The following ADAMTS9 variants were observed in gnomAD, a reference collection of about 807,000 sequenced individuals.
ADAMTS9 encodes ADAM metallopeptidase with thrombospondin type 1 motif 9, also known as A disintegrin and metalloproteinase with thrombospondin motifs 9.
ADAMTS9 carries 107 observed loss-of-function variants against 257.1 expected under a neutral mutation model. That is an observed-to-expected ratio of 0.42 (90% CI 0.36 to 0.49). The LOEUF (loss-of-function observed/expected upper bound fraction) is 0.49, where lower values mean the gene tolerates loss of function less well. Ranked by LOEUF, ADAMTS9 falls within the 20% of genes least tolerant of loss-of-function variation. The pLI, the probability that ADAMTS9 is intolerant of heterozygous loss-of-function variation, is 0.03. For missense variants in ADAMTS9, 2,353 were observed against 2,469.1 expected, an observed-to-expected ratio of 0.95 and a Z score of 1.00; for synonymous variants, 982 against 880.9, an observed-to-expected ratio of 1.11 and a Z score of -2.03.
chr3:64,526,659 G>C (rs2082913973), intron 38 of ADAMTS9, among the ~76,000 whole-genome samples: 1 of 152,136 alleles, frequency 6.6e-6, no homozygotes, highest in Non-Finnish European at 1.5e-5. Context: ...AAACTCTCCT[G>C]ACCCAGCAGA....
At chr3:64,539,595 T>C (rs1353053558) in intron 36 of ADAMTS9, among the ~76,000 whole-genome samples, 1 of 152,176 alleles carries the variant, frequency 6.6e-6, no homozygotes, top group Non-Finnish European at 1.5e-5. Context: ...GATTCCTACA[T>C]AAATAAATAT....
chr3:64,517,246 T>C (rs543012895), intron 39 of ADAMTS9, 125 bp from the exon 40 acceptor site: 1 of 152,190 alleles, frequency 6.6e-6, no homozygotes, highest in African/African-American at 2.4e-5. Flanking sequence ...CTAGATTTTA[T>C]TTTTATTTTT....
At chr3:64,646,224 C>T (rs759434788) in intron 11 of ADAMTS9, among the ~76,000 whole-genome samples, 2 of 152,172 alleles carry the variant, frequency 1.3e-5, no homozygotes, top group Admixed American at 6.5e-5. Flanking sequence ...CTAACCCAAG[C>T]CAACTAACCA....
At position 64,619,228 on chromosome 3, in the gene ADAMTS9, C is replaced by G. The variant is rs190540130; in HGVS notation, c.2813+1886G>C. On this transcript the variant is annotated intron_variant, in intron 19 of 39. Coordinates refer to ENST00000498707, the MANE Select transcript of ADAMTS9 (RefSeq NM_182920.2). ...CTATAGTTATAATCAGAGACTCAAC[C>G]AGTCTCGTTCTGATTCAATCAGTGG... Among the ~76,000 whole-genome samples, 40 of 152,182 alleles carry G rather than the reference C, an allele frequency of 2.6e-4. No individual in the cohort carries two copies. The East Asian group carries it at 7.4e-3, about 28-fold the overall frequency.
chr3:64,615,253 C>G, intron 21 of ADAMTS9, 68 bp downstream of exon 21: 1 of 1,554,684 alleles, frequency 6.4e-7, no homozygotes, highest in Non-Finnish European at 8.7e-7. Context: ...TTGTCTTAAA[C>G]AGATAGAGAG....
At chr3:64,621,619 G>A (rs1207804480) in intron 18 of ADAMTS9, among the ~76,000 whole-genome samples, 1 of 151,758 alleles carries the variant, frequency 6.6e-6, no homozygotes, top group South Asian at 2.1e-4. Context: ...AAAATTACCC[G>A]GGCATGGTGG....
intron 39 of ADAMTS9, among the ~76,000 whole-genome samples, chr3:64,518,847 G>A (rs2082815514): frequency 1.4e-5 from 2 of 138,442 alleles, no homozygotes; most frequent in Admixed American, 8.8e-5. Context: ...GCGTGGTCTT[G>A]GCTGACTGCA....
intron 28 of ADAMTS9, among the ~76,000 whole-genome samples, chr3:64,577,447 C>T (rs2083883828): frequency 6.6e-6 from 1 of 152,218 alleles, no homozygotes; most frequent in Non-Finnish European, 1.5e-5. Context: ...AGGACCCACT[C>T]TATGCCTGCC....
At chr3:64,535,446 G>C (rs376464611) in intron 37 of ADAMTS9, among the ~76,000 whole-genome samples, 1 of 152,056 alleles carries the variant, frequency 6.6e-6, no homozygotes, top group Admixed American at 6.6e-5. Context: ...ATGTGGCATG[G>C]CTGCCATGCT....
chr3:64,670,898 G>A (rs964433090), intron 3 of ADAMTS9, among the ~76,000 whole-genome samples: 1 of 152,186 alleles, frequency 6.6e-6, no homozygotes, highest in Admixed American at 6.5e-5. Flanking sequence ...ACCAAGTGCT[G>A]GAAAGGATGC....
At chr3:64,634,525 C>T (rs761346304) in intron 12 of ADAMTS9, among the ~76,000 whole-genome samples, 4 of 152,192 alleles carry the variant, frequency 2.6e-5, no homozygotes, top group Non-Finnish European at 4.4e-5. Flanking sequence ...TTTTGTGTGA[C>T]GAGTGTATGG....
chr3:64,622,947 T>C (rs1281217442), intron 16 of ADAMTS9, among the ~76,000 whole-genome samples: 2 of 152,234 alleles, frequency 1.3e-5, no homozygotes, highest in African/African-American at 2.4e-5. Flanking sequence ...TTTGAAAATA[T>C]GCATTAGTGA....
intron 11 of ADAMTS9, among the ~76,000 whole-genome samples, chr3:64,647,075 A>G (rs1700813468): frequency 6.6e-6 from 1 of 152,202 alleles, no homozygotes; most frequent in African/African-American, 2.4e-5. Flanking sequence ...AAGTAAGTAA[A>G]GTGGACAATG....
chr3:64,560,921 C>T (rs1474581620), intron 30 of ADAMTS9, among the ~76,000 whole-genome samples: 1 of 152,150 alleles, frequency 6.6e-6, no homozygotes, highest in African/African-American at 2.4e-5. Flanking sequence ...ACAGAGGTTA[C>T]CTCCTATAAA....
Position 64,637,568 on chromosome 3 carries a change from C to T in ADAMTS9, c.1857-3689G>A, listed in dbSNP as rs564565657. On this transcript the variant is annotated intron_variant, in intron 12 of 39. Transcript: ENST00000498707. ...TTGCAGAGGTCATCACAGGTACAGT[C>T]TATCCTCAAGGAAAGCTAAACTTTG... is the stretch of plus-strand genomic sequence containing the variant. Among the ~76,000 whole-genome samples, 4 of 152,334 alleles carry T rather than the reference C, an allele frequency of 2.6e-5. No individual in the cohort carries two copies. The East Asian group carries it at 7.7e-4, about 29-fold the overall frequency.
At chr3:64,585,650 G>A (rs2084128708) in intron 28 of ADAMTS9, among the ~76,000 whole-genome samples, 1 of 152,136 alleles carries the variant, frequency 6.6e-6, no homozygotes, top group Non-Finnish European at 1.5e-5. Flanking sequence ...ATGAACAGAT[G>A]TAAAGTCACC....
rs1163617845 is a variant in ADAMTS9 at position 64,687,202 on chromosome 3, A to G, written c.116-234T>C. Among the ~76,000 whole-genome samples, 1 of 152,204 alleles carries G rather than the reference A, an allele frequency of 6.6e-6. No individual in the cohort carries two copies. Among genetic ancestry groups the G allele is most frequent in the Non-Finnish European group, 1.5e-5 (1 of 68,044 alleles). ...AGCCAGACAATTAACAAGTCAAAAT[A>G]TATATGATTTCAGATATTGATAAAT... On this transcript the variant is annotated intron_variant, in intron 1 of 39. Transcript: ENST00000498707. This position sits in a 1 kb window ranked among gnomAD's most constrained non-coding sequence, Gnocchi z 4.4.
chr3:64,633,509 T>G lies in ADAMTS9; in HGVS notation c.2138A>C (p.Gln713Pro), dbSNP rs1368427582. The change falls in exon 14 of 40, where the codon CAG becomes CCG. Residue 713 changes from glutamine to proline, a missense_variant. Transcript: ENST00000498707. ...CTGGACACAGATATCATTTGTGTCC[T>G]GGCCACAAGGAGTTCCATCTATCAC... ...DRVIDGTPCG[Q>P]DTNDICVQGL... 1.9e-6 allele frequency: 3 copies of G among 1,614,142 alleles called. No individual in the cohort carries two copies. Among genetic ancestry groups the G allele is most frequent in the Admixed American group, 3.3e-5 (2 of 60,014 alleles).
intron 38 of ADAMTS9, among the ~76,000 whole-genome samples, chr3:64,523,194 T>C (rs950886643): frequency 1.3e-5 from 2 of 152,322 alleles, no homozygotes; most frequent in Admixed American, 6.5e-5. Context: ...GCAAGGACTA[T>C]TGCTTGAAAA....
Sources: allele counts gnomAD v4.1 joint callset (sites outside exome capture counted in the v4.1 genomes callset), GRCh38; gene constraint gnomAD v4.1.1; non-coding constraint Gnocchi (gnomAD v3.1); transcripts MANE v1.5; gene names NCBI Gene and HGNC (gene_info 2026-07-23, HGNC 2026-07-21).